RPGRIP1L: variants seen among roughly 807,000 people sequenced by gnomAD.
RPGRIP1L encodes RPGRIP1 like, also known as protein fantom.
A neutral mutation model predicts 160.4 loss-of-function variants in RPGRIP1L; 131 were observed. The ratio of observed to expected loss-of-function variants is 0.82; its 90% confidence interval spans 0.71 to 0.94. The LOEUF (loss-of-function observed/expected upper bound fraction) is 0.94. RPGRIP1L is among the 40% of genes least tolerant of loss of function. RPGRIP1L has a pLI of 0.00. For synonymous variants in RPGRIP1L, 510 were observed against 515.8 expected, an observed-to-expected ratio of 0.99 and a Z score of 0.15; for missense variants, 1,522 against 1,535.8, an observed-to-expected ratio of 0.99 and a Z score of 0.15.
intron 13 of RPGRIP1L, 135 bp from the exon 14 acceptor site, chr16:53,656,724 T>C (rs1751007596): frequency 1.6e-5 from 11 of 686,544 alleles, no homozygotes; most frequent in Non-Finnish European, 2.3e-5. Flanking sequence ...TGACCTCAAG[T>C]AGCTTACACT....
intron 16 of RPGRIP1L, among the ~76,000 whole-genome samples, chr16:53,647,101 T>C (rs902880696): frequency 6.6e-6 from 1 of 152,102 alleles, no homozygotes; most frequent in Non-Finnish European, 1.5e-5. Flanking sequence ...AACCAAACAA[T>C]GTGGTCTCCT....
chr16:53,652,951 T>C lies in RPGRIP1L; in HGVS notation c.1736A>G (p.Tyr579Cys), dbSNP rs148230131. 75 of 1,613,860 alleles carry C rather than the reference T, an allele frequency of 4.6e-5. No homozygotes were observed. The African/African-American group carries it at 6.5e-4, about 14-fold the overall frequency. Reference sequence around the variant, plus strand: ...TGGCATGATTTCTGGTTTAAATTTGTACTGCTTGGTGCCATAGGCAATATC... The same window carrying C: ...TGGCATGATTTCTGGTTTAAATTTGCACTGCTTGGTGCCATAGGCAATATC... Reference protein sequence around the residue: ...LKDIAYGTKQYKFKPEIMPDD... With the variant: ...LKDIAYGTKQCKFKPEIMPDD... Residue 579 changes from tyrosine to cysteine, a missense_variant, in exon 15 of 27, where the codon TAC becomes TGC. Physicochemically the swap from Tyr to Cys is radical, Grantham distance 194. Coordinates refer to ENST00000647211, the MANE Select transcript of RPGRIP1L (RefSeq NM_015272.5).
At chr16:53,620,975 A>G (rs1384623044) in intron 23 of RPGRIP1L, among the ~76,000 whole-genome samples, 1 of 152,210 alleles carries the variant, frequency 6.6e-6, no homozygotes. Context: ...ATAACATCTT[A>G]TACAACATTT....
chr16:53,698,496 G>T, intron 2 of RPGRIP1L, among the ~76,000 whole-genome samples: 1 of 147,740 alleles, frequency 6.8e-6, no homozygotes, highest in South Asian at 2.1e-4. Context: ...GGGAGGTTGG[G>T]GGGTCAGCCT....
At chr16:53,684,986 C>T (rs1317370115) in intron 6 of RPGRIP1L, among the ~76,000 whole-genome samples, 1 of 151,784 alleles carries the variant, frequency 6.6e-6, no homozygotes, top group African/African-American at 2.4e-5. Context: ...TAATATCCAG[C>T]ATCTATAAGG....
chr16:53,668,210 A>C (rs1968438254), intron 9 of RPGRIP1L, among the ~76,000 whole-genome samples: 1 of 152,180 alleles, frequency 6.6e-6, no homozygotes, highest in South Asian at 2.1e-4. Context: ...TAAGCTGCTC[A>C]TATTTGATCA....
intron 2 of RPGRIP1L, among the ~76,000 whole-genome samples, chr16:53,696,743 T>C (rs1970792976): frequency 6.6e-6 from 1 of 152,176 alleles, no homozygotes; most frequent in African/African-American, 2.4e-5. Flanking sequence ...AAACAAACTA[T>C]AAAAGTTGTA....
chr16:53,625,220 C>T (rs531650422), intron 22 of RPGRIP1L, among the ~76,000 whole-genome samples: 1 of 152,058 alleles, frequency 6.6e-6, no homozygotes, highest in East Asian at 1.9e-4. Flanking sequence ...TCTGCCTGGC[C>T]ACCCATTGTC....
At chr16:53,615,147 C>G (rs1353996143) in intron 24 of RPGRIP1L, among the ~76,000 whole-genome samples, 1 of 152,086 alleles carries the variant, frequency 6.6e-6, no homozygotes, top group Non-Finnish European at 1.5e-5. Context: ...TTCAATTGTT[C>G]CAAAAGACAG....
At chr16:53,624,602 C>T (rs796857738) in intron 22 of RPGRIP1L, among the ~76,000 whole-genome samples, 10 of 151,670 alleles carry the variant, frequency 6.6e-5, no homozygotes, top group African/African-American at 2.2e-4. Context: ...TATTAACTGC[C>T]GAGAAATATA....
chr16:53,647,641 A>G (rs1966647582), intron 16 of RPGRIP1L, among the ~76,000 whole-genome samples: 1 of 152,230 alleles, frequency 6.6e-6, no homozygotes, highest in African/African-American at 2.4e-5. Flanking sequence ...GGGATCTGCT[A>G]ACGCAAACCT....
intron 10 of RPGRIP1L, among the ~76,000 whole-genome samples, chr16:53,662,365 G>A (rs1004034453): frequency 6.6e-6 from 1 of 152,088 alleles, no homozygotes; most frequent in Admixed American, 6.5e-5. Flanking sequence ...AATGCAAACT[G>A]CATTTACATA....
intron 2 of RPGRIP1L, among the ~76,000 whole-genome samples, chr16:53,697,311 A>ATCTCCC (rs200883006): frequency 1.7e-4 from 26 of 151,272 alleles, no homozygotes; most frequent in African/African-American, 3.6e-4. Context: ...AAGTTTATCA[A>ATCTCCC]TCTCCCTCTC....
chr16:53,653,685 C>T (rs898136068), intron 14 of RPGRIP1L, among the ~76,000 whole-genome samples: 2 of 152,182 alleles, frequency 1.3e-5, no homozygotes, highest in Admixed American at 1.3e-4. Flanking sequence ...TCTGCTTCTC[C>T]TCCTATCCTT....
chr16:53,600,813 C>T lies in RPGRIP1L; in HGVS notation c.*1263G>A, dbSNP rs941059455. 1 of 152,458 alleles carries T rather than the reference C, an allele frequency of 6.6e-6. No individual in the cohort carries two copies. The highest frequency in any genetic ancestry group is 2.4e-5 in the African/African-American group (1 of 41,380). The allele number at this position is 152,458 out of a possible 1,614,324, so 9.4% of individuals were successfully genotyped here. Reference sequence around the variant, plus strand: ...GCTTTAATCACACAAAGAGGGAATGCCTAATTCTCTAAATGAAATGGTCTG... The same window carrying T: ...GCTTTAATCACACAAAGAGGGAATGTCTAATTCTCTAAATGAAATGGTCTG... On this transcript the variant is annotated 3_prime_UTR_variant, in exon 27 of 27. Transcript: ENST00000647211.
At chr16:53,638,436 T>C (rs750487146) in intron 19 of RPGRIP1L, 25 bp from the exon 20 acceptor site, 2 of 1,208,774 alleles carry the variant, frequency 1.7e-6, no homozygotes. Flanking sequence ...AAAACACGCA[T>C]GTATGTCATT....
At chr16:53,697,758 G>A (rs888110899) in intron 2 of RPGRIP1L, among the ~76,000 whole-genome samples, 2 of 152,114 alleles carry the variant, frequency 1.3e-5, no homozygotes, top group Non-Finnish European at 2.9e-5. Context: ...AAAGTGCCCA[G>A]AGTGCAGCCT....
chr16:53,696,977 T>G (rs1970813831), intron 2 of RPGRIP1L, among the ~76,000 whole-genome samples: 1 of 152,158 alleles, frequency 6.6e-6, no homozygotes, highest in Non-Finnish European at 1.5e-5. Context: ...GTGGATCACC[T>G]GAGGTCGGGA....
At chr16:53,685,691 A>T (rs1969953205) in intron 6 of RPGRIP1L, among the ~76,000 whole-genome samples, 1 of 150,984 alleles carries the variant, frequency 6.6e-6, no homozygotes, top group African/African-American at 2.4e-5. Flanking sequence ...GGAACAACAC[A>T]CACTGGGGCC....
Sources: gnomAD v4.1 joint callset for allele counts (sites outside exome capture counted in the v4.1 genomes callset) on GRCh38, gnomAD v4.1.1 for gene constraint, MANE v1.5 for transcripts, NCBI Gene and HGNC (gene_info 2026-07-23, HGNC 2026-07-21) for gene names.